The following SCHIP1 variants were observed in gnomAD, a reference collection of about 807,000 sequenced individuals.
SCHIP1 encodes the protein schwannomin interacting protein 1, also known as schwannomin-interacting protein 1.
In SCHIP1, 8 loss-of-function variants were observed where a neutral mutation model predicts 29.7. The ratio of observed to expected loss-of-function variants is 0.27; its 90% CI spans 0.16 to 0.49. SCHIP1 has a LOEUF of 0.49. Among genes scored for constraint, SCHIP1 ranks in the 20% least tolerant of loss-of-function variants. The probability of loss-of-function intolerance (pLI) is 0.99; values close to 1 mark genes in which losing one functional copy is unlikely to be tolerated. For missense variants in SCHIP1, 193 were observed against 294.6 expected, an observed-to-expected ratio of 0.66 and a Z score of 2.52; for synonymous variants, 76 against 94.9, an observed-to-expected ratio of 0.80 and a Z score of 1.16.
the SCHIP1 span, among the ~76,000 whole-genome samples, chr3:159,742,660 C>A: frequency 1.8e-3 from 274 of 151,196 alleles, no homozygotes; most frequent in African/African-American, 6.5e-3. Flanking sequence ...TGGATACACT[C>A]TTTTTTTTCT....
chr3:159,508,682 G>T, the SCHIP1 span, among the ~76,000 whole-genome samples: 1 of 152,026 alleles, frequency 6.6e-6, no homozygotes. Flanking sequence ...TGTTTTTGTT[G>T]GTTTCAAAGA....
the SCHIP1 span, among the ~76,000 whole-genome samples, chr3:159,697,336 T>G: frequency 6.6e-6 from 1 of 152,292 alleles, no homozygotes; most frequent in East Asian, 1.9e-4. Context: ...CTGGGAATTT[T>G]TGGATGGAGA....
the SCHIP1 span, among the ~76,000 whole-genome samples, chr3:159,700,049 C>T: frequency 6.6e-6 from 1 of 152,160 alleles, no homozygotes; most frequent in African/African-American, 2.4e-5. Flanking sequence ...TCAGAGATAA[C>T]CATACCCACC....
chr3:159,528,081 T>C, the SCHIP1 span, among the ~76,000 whole-genome samples: 1 of 152,244 alleles, frequency 6.6e-6, no homozygotes, highest in Non-Finnish European at 1.5e-5. Flanking sequence ...CTTTTATTAC[T>C]TTAAAAAATG....
chr3:159,321,856 T>G, the SCHIP1 span, among the ~76,000 whole-genome samples: 1 of 152,178 alleles, frequency 6.6e-6, no homozygotes, highest in Non-Finnish European at 1.5e-5. Context: ...TAATGAAGAT[T>G]TTGAATTTCT....
the SCHIP1 span, among the ~76,000 whole-genome samples, chr3:159,504,914 G>T: frequency 6.6e-6 from 1 of 152,120 alleles, no homozygotes; most frequent in Non-Finnish European, 1.5e-5. Context: ...TGCCAGGGAT[G>T]CCCATGGCAT....
chr3:159,809,739 G>A, the SCHIP1 span, among the ~76,000 whole-genome samples: 1 of 151,942 alleles, frequency 6.6e-6, no homozygotes, highest in Non-Finnish European at 1.5e-5. Flanking sequence ...AGTGGCTCAT[G>A]CCTGTAATCC....
chr3:159,433,812 CTT>C, the SCHIP1 span, among the ~76,000 whole-genome samples: 39 of 152,114 alleles, frequency 2.6e-4, no homozygotes, highest in Non-Finnish European at 4.9e-4. Flanking sequence ...TTTTATGACT[CTT>C]AATTATTACT....
At chr3:159,870,188 T>A (rs1000728087) in intron 2 of SCHIP1, among the ~76,000 whole-genome samples, 9 of 152,026 alleles carry the variant, frequency 5.9e-5, no homozygotes, top group Non-Finnish European at 1.3e-4. Flanking sequence ...GCAGCTTTAT[T>A]TATTCATTTT....
At chr3:159,645,704 C>T in the SCHIP1 span, among the ~76,000 whole-genome samples, 2 of 152,146 alleles carry the variant, frequency 1.3e-5, no homozygotes, top group South Asian at 4.2e-4. Context: ...CTATTGTGTC[C>T]ATGCCCATAG....
the SCHIP1 span, among the ~76,000 whole-genome samples, chr3:159,476,997 T>C: frequency 6.6e-6 from 1 of 152,142 alleles, no homozygotes; most frequent in Non-Finnish European, 1.5e-5. Flanking sequence ...TCTACTTCTA[T>C]GAGCTTGACT....
At chr3:159,809,321 C>T in the SCHIP1 span, among the ~76,000 whole-genome samples, 7 of 152,140 alleles carry the variant, frequency 4.6e-5, no homozygotes, top group Non-Finnish European at 1.0e-4. Context: ...ATGAACTCAT[C>T]CTTTTTTATG....
chr3:159,373,538 TGTATCCTTTTGACCA>T, the SCHIP1 span, among the ~76,000 whole-genome samples: 1 of 152,106 alleles, frequency 6.6e-6, no homozygotes, highest in African/African-American at 2.4e-5. Context: ...ATAGAGACTT[TGTATCCTTTTGACCA>T]TCATCTCCCT....
chr3:159,574,120 T>A, the SCHIP1 span, among the ~76,000 whole-genome samples: 1 of 152,254 alleles, frequency 6.6e-6, no homozygotes, highest in African/African-American at 2.4e-5. Context: ...TGTCAACTTG[T>A]CAAAGTCATT....
the SCHIP1 span, chr3:159,274,475 TG>T: frequency 1.4e-6 from 1 of 736,080 alleles, no homozygotes; most frequent in Non-Finnish European, 1.7e-6. Context: ...AAATTATATA[TG>T]GGCTATTGAA....
At chr3:159,315,615 C>A in the SCHIP1 span, among the ~76,000 whole-genome samples, 8 of 151,868 alleles carry the variant, frequency 5.3e-5, no homozygotes, top group East Asian at 1.4e-3. Flanking sequence ...CATTTTAGAA[C>A]CATAGCCTAA....
the SCHIP1 span, among the ~76,000 whole-genome samples, chr3:159,591,461 A>T: frequency 1.4e-4 from 22 of 152,332 alleles, no homozygotes; most frequent in South Asian, 4.6e-3. Flanking sequence ...ATAAAGACAC[A>T]TGCACACATA....
At chr3:159,746,425 A>G in the SCHIP1 span, among the ~76,000 whole-genome samples, 1 of 151,866 alleles carries the variant, frequency 6.6e-6, no homozygotes, top group African/African-American at 2.4e-5. Context: ...CTGCACTCTC[A>G]CTCCCTTCCA....
At chr3:159,821,228 A>G in the SCHIP1 span, among the ~76,000 whole-genome samples, 1 of 152,180 alleles carries the variant, frequency 6.6e-6, no homozygotes, top group East Asian at 1.9e-4. Flanking sequence ...CCTGATTGGA[A>G]AGTGTTCAAA....
Sources: gnomAD v4.1 joint callset for allele counts (sites outside exome capture counted in the v4.1 genomes callset) on GRCh38, gnomAD v4.1.1 for gene constraint, MANE v1.5 for transcripts, NCBI Gene and HGNC (gene_info 2026-07-23, HGNC 2026-07-21) for gene names.